ARPP21: variants seen among roughly 807,000 people sequenced by gnomAD.
The protein encoded by ARPP21 is cAMP regulated phosphoprotein 21, also known as cAMP-regulated phosphoprotein 21.
A neutral mutation model predicts 113.2 loss-of-function variants in ARPP21; 69 were observed. The observed-to-expected ratio is 0.61, with a 90% CI of 0.50 to 0.74. The LOEUF is 0.74. Among genes scored for constraint, ARPP21 ranks in the 30% least tolerant of loss-of-function variants. The probability of loss-of-function intolerance (pLI) is 0.00; values close to 1 mark genes in which losing one functional copy is unlikely to be tolerated. For missense variants in ARPP21, 1,070 were observed against 1,037.4 expected (o/e 1.03, Z -0.43); for synonymous variants, 368 against 375.5 (o/e 0.98, Z 0.23).
chr3:35,745,983 G>A (rs780695721), intron 19 of ARPP21, among the ~76,000 whole-genome samples: 3 of 152,162 alleles, frequency 2.0e-5, no homozygotes, highest in Non-Finnish European at 4.4e-5. Flanking sequence ...ATAGAAGCAA[G>A]GCAGTGCCTA....
rs79936263 is a variant in ARPP21 at position 35,739,689 on chromosome 3, A to G, written c.2010+112A>G. On this transcript the variant is annotated intron_variant, in intron 18 of 20. Transcript: ENST00000684406. ...TCACTCCCTCTTCCCTTTCTAGTCTATATTAATATTCCTCACCAACAGGAA... is the reference window on the plus strand; with the variant it reads ...TCACTCCCTCTTCCCTTTCTAGTCTGTATTAATATTCCTCACCAACAGGAA... 6.5e-3 allele frequency: 8,755 copies of G among 1,347,490 alleles called. 463 individuals carry two copies. In the African/African-American group the frequency reaches 0.11, roughly 17 times the overall value. The allele number at this position is 1,347,490 out of a possible 1,614,324, so 83.5% of individuals were successfully genotyped here.
chr3:35,758,151 C>A (rs187269212), intron 19 of ARPP21, among the ~76,000 whole-genome samples: 1 of 152,038 alleles, frequency 6.6e-6, no homozygotes, highest in Non-Finnish European at 1.5e-5. Flanking sequence ...TTGCCTCATT[C>A]ATCTGAGAAC....
rs1455345064 is a variant in ARPP21, at chr3:35,738,220, C to G, written c.1651C>G (p.Gln551Glu). The change falls in exon 17 of 21, where the codon CAG becomes GAG. Residue 551 changes from glutamine to glutamate, a missense_variant. Transcript: ENST00000684406. ...AATTTTTTCTTTCCTCCAGTCTGTC[C>G]AGGGGCTGCAGGCTTCCTCCCAGTC... ...MAGPLVTQSV[Q>E]GLQASSQSVQ... The G allele has an allele frequency of 6.5e-7, 1 of 1,534,060 alleles. No homozygotes were observed. Among genetic ancestry groups the G allele is most frequent in the African/African-American group, 1.4e-5 (1 of 73,056 alleles).
At chr3:35,773,298 C>T (rs942845987) in intron 19 of ARPP21, among the ~76,000 whole-genome samples, 13 of 152,084 alleles carry the variant, frequency 8.5e-5, no homozygotes, top group African/African-American at 3.1e-4. Context: ...TCTCCCTGAC[C>T]GTATGAGATT....
At chr3:35,647,797 C>G (rs1700811467) in intron 1 of ARPP21, among the ~76,000 whole-genome samples, 1 of 152,122 alleles carries the variant, frequency 6.6e-6, no homozygotes, top group Admixed American at 6.5e-5. Flanking sequence ...GGTCCCAACT[C>G]AACAACTTGC....
At chr3:35,655,361 C>G (rs1418624764) in intron 1 of ARPP21, among the ~76,000 whole-genome samples, 1 of 151,530 alleles carries the variant, frequency 6.6e-6, no homozygotes, top group Non-Finnish European at 1.5e-5. Context: ...TACTTTTTTT[C>G]TTTCTGAATT....
Position 35,760,678 on chromosome 3 carries a change from GA to G in ARPP21, c.2137+16714del, listed in dbSNP as rs1450823972. 9.2e-5 allele frequency among the ~76,000 whole-genome samples: 14 copies of G among 152,204 alleles called. No individual in the cohort carries two copies. In the East Asian group the frequency reaches 2.7e-3, roughly 30 times the overall value. On this transcript the variant is annotated intron_variant, in intron 19 of 20. Transcript: ENST00000684406. The stretch of plus-strand genomic sequence containing the variant: ...TGTGAAACCAAACTGAAACTTTAAA[GA>G]TTTTGAAATTAAGCAGCCCATCATG...
At chr3:35,682,153 G>C (rs529314780) in intron 3 of ARPP21, among the ~76,000 whole-genome samples, 2 of 151,812 alleles carry the variant, frequency 1.3e-5, no homozygotes, top group African/African-American at 2.4e-5. Context: ...ACACCTCAAG[G>C]TGTACATAGA....
chr3:35,677,946 C>T (rs2149410980), intron 1 of ARPP21, among the ~76,000 whole-genome samples: 1 of 152,018 alleles, frequency 6.6e-6, no homozygotes, highest in South Asian at 2.1e-4. Context: ...CTGCTCATTC[C>T]CATATGCCCA....
intron 1 of ARPP21, among the ~76,000 whole-genome samples, chr3:35,668,848 T>G (rs2149290101): frequency 6.6e-6 from 1 of 152,258 alleles, no homozygotes; most frequent in South Asian, 2.1e-4. Context: ...ATATCTTATT[T>G]CCACTGAAAA....
intron 19 of ARPP21, among the ~76,000 whole-genome samples, chr3:35,748,044 GAGAA>G (rs1490629627): frequency 2.6e-5 from 3 of 115,636 alleles, no homozygotes; most frequent in African/African-American, 1.1e-4. Context: ...AAAGGAGAGA[GAGAA>G]AGAAAAGGAA....
chr3:35,647,646 T>A (rs1235310731), intron 1 of ARPP21, among the ~76,000 whole-genome samples: 1 of 152,206 alleles, frequency 6.6e-6, no homozygotes, highest in Admixed American at 6.5e-5. Flanking sequence ...CTTACCTTCA[T>A]AAATATGCAA....
At chr3:35,779,046 T>G (rs1408128336) in intron 19 of ARPP21, among the ~76,000 whole-genome samples, 1 of 152,156 alleles carries the variant, frequency 6.6e-6, no homozygotes, top group African/African-American at 2.4e-5. Context: ...ATGGTTTGAT[T>G]CCATTTTTTA....
chr3:35,693,513 C>A (rs2082883958), intron 9 of ARPP21, among the ~76,000 whole-genome samples: 1 of 151,634 alleles, frequency 6.6e-6, no homozygotes, highest in Non-Finnish European at 1.5e-5. Flanking sequence ...CAAATAGGAA[C>A]AAATCACAGT....
intron 19 of ARPP21, among the ~76,000 whole-genome samples, chr3:35,771,657 A>G (rs535181750): frequency 3.5e-4 from 54 of 152,250 alleles, no homozygotes; most frequent in African/African-American, 1.3e-3. Context: ...ATCTATCAAC[A>G]TTTATTCAAC....
At chr3:35,667,841 A>AAAGAAGAGGAAGAAGAAGAAG (rs2074833610) in intron 1 of ARPP21, among the ~76,000 whole-genome samples, 1 of 81,504 alleles carries the variant, frequency 1.2e-5, no homozygotes, top group Non-Finnish European at 2.2e-5. Context: ...TTTTATTCTC[A>AAAGAAGAGGAAGAAGAAGAAG]AAGAAGAAGA....
intron 19 of ARPP21, 185 bp from the exon 20 acceptor site, chr3:35,792,197 C>G (rs1356090028): frequency 1.6e-6 from 1 of 614,230 alleles, no homozygotes; most frequent in Admixed American, 2.5e-5. Flanking sequence ...AAGCCATAAT[C>G]TTGTTCACTC....
intron 9 of ARPP21, among the ~76,000 whole-genome samples, chr3:35,701,997 C>T (rs1391598840): frequency 1.3e-5 from 2 of 151,582 alleles, no homozygotes; most frequent in Non-Finnish European, 3.0e-5. Flanking sequence ...TGGATGCAAA[C>T]CACTACTAAG....
chr3:35,755,405 CT>C (rs530494129), intron 19 of ARPP21, among the ~76,000 whole-genome samples: 6 of 152,122 alleles, frequency 3.9e-5, no homozygotes, highest in African/African-American at 1.4e-4. Flanking sequence ...TCTTTATACT[CT>C]TTTTTTCTTT....
Sources: allele counts gnomAD v4.1 joint callset (sites outside exome capture counted in the v4.1 genomes callset), GRCh38; gene constraint gnomAD v4.1.1; transcripts MANE v1.5; gene names NCBI Gene and HGNC (gene_info 2026-07-23, HGNC 2026-07-21).